The following RPS6KA2 variants were observed in gnomAD, a reference collection of about 807,000 sequenced individuals.
RPS6KA2 encodes the protein ribosomal protein S6 kinase A2, also known as ribosomal protein S6 kinase alpha-2.
Under a neutral mutation model 91.8 loss-of-function variants are expected in RPS6KA2, and 42 were observed. The observed-to-expected ratio is 0.46, with a 90% CI of 0.36 to 0.59. RPS6KA2 has a LOEUF of 0.59. Among genes scored for constraint, RPS6KA2 ranks in the 20% least tolerant of loss-of-function variants. RPS6KA2 has a pLI of 0.00. For synonymous variants in RPS6KA2, 414 were observed against 393.6 expected (o/e 1.05, Z -0.61); for missense variants, 798 against 978.5 (o/e 0.82, Z 2.46).
At chr6:166,562,350 A>C (rs969498293) in intron 1 of RPS6KA2, among the ~76,000 whole-genome samples, 1 of 152,136 alleles carries the variant, frequency 6.6e-6, no homozygotes, top group African/African-American at 2.4e-5. Context: ...CCTATTATTT[A>C]TATTATTGTT....
chr6:166,462,088 G>T (rs938672606), intron 11 of RPS6KA2, among the ~76,000 whole-genome samples: 6 of 152,346 alleles, frequency 3.9e-5, no homozygotes, highest in Non-Finnish European at 8.8e-5. Context: ...TGCCACCCAG[G>T]GTGAAGGTGG....
At chr6:166,698,972 C>A (rs1286362562) in intron 2 of RPS6KA2, among the ~76,000 whole-genome samples, 1 of 152,040 alleles carries the variant, frequency 6.6e-6, no homozygotes, top group African/African-American at 2.4e-5. Context: ...ACGAAGAGGT[C>A]AGGTGGTCAG....
intron 2 of RPS6KA2, among the ~76,000 whole-genome samples, chr6:166,819,723 T>G (rs974239025): frequency 6.6e-6 from 1 of 152,220 alleles, no homozygotes; most frequent in African/African-American, 2.4e-5. Flanking sequence ...CAGTGCCCCA[T>G]GCATAGATAT....
intron 2 of RPS6KA2, among the ~76,000 whole-genome samples, chr6:166,638,632 G>T (rs1026998374): frequency 1.3e-5 from 2 of 152,198 alleles, no homozygotes; most frequent in Non-Finnish European, 2.9e-5. Context: ...ATTTCTACCC[G>T]CTGTTCAGAT....
At chr6:166,540,172 A>C (rs1391979100) in intron 1 of RPS6KA2, among the ~76,000 whole-genome samples, 1 of 152,228 alleles carries the variant, frequency 6.6e-6, no homozygotes, top group African/African-American at 2.4e-5. Context: ...TTTTACTCTA[A>C]GAGTGAAGAC....
chr6:166,543,419 A>G (rs892176446), intron 1 of RPS6KA2, among the ~76,000 whole-genome samples: 2 of 152,090 alleles, frequency 1.3e-5, no homozygotes, highest in African/African-American at 4.8e-5. Flanking sequence ...CTAGAATCTG[A>G]CTTTCATTAT....
intron 2 of RPS6KA2, among the ~76,000 whole-genome samples, chr6:166,660,716 T>C (rs1049905359): frequency 6.6e-6 from 1 of 152,236 alleles, no homozygotes; most frequent in African/African-American, 2.4e-5. Flanking sequence ...GTATGTGCTG[T>C]TCTTGAGCCC....
At chr6:166,596,920 T>C (rs1222376264) in intron 1 of RPS6KA2, among the ~76,000 whole-genome samples, 1 of 151,918 alleles carries the variant, frequency 6.6e-6, no homozygotes, top group African/African-American at 2.4e-5. Flanking sequence ...GGACAAGCTA[T>C]GTAGGGGTGA....
chr6:166,786,517 A>T (rs1778935198), intron 2 of RPS6KA2, among the ~76,000 whole-genome samples: 1 of 152,238 alleles, frequency 6.6e-6, no homozygotes, highest in South Asian at 2.1e-4. Flanking sequence ...GATTGCATCA[A>T]CAAAGATTTG....
At chr6:166,422,809 G>A (rs1483565013) in intron 17 of RPS6KA2, among the ~76,000 whole-genome samples, 1 of 152,078 alleles carries the variant, frequency 6.6e-6, no homozygotes, top group Non-Finnish European at 1.5e-5. Flanking sequence ...CTGCTGTCGG[G>A]GAACCAATCT....
intron 2 of RPS6KA2, among the ~76,000 whole-genome samples, chr6:166,789,236 T>C (rs1318388626): frequency 1.3e-5 from 2 of 152,208 alleles, no homozygotes; most frequent in African/African-American, 4.8e-5. Context: ...CGGAGGGTCC[T>C]ACGCCCACGG....
At chr6:166,556,922 G>A (rs73257221) in intron 1 of RPS6KA2, among the ~76,000 whole-genome samples, 4 of 152,152 alleles carry the variant, frequency 2.6e-5, no homozygotes, top group Non-Finnish European at 2.9e-5. Flanking sequence ...TTAGAAGCCC[G>A]CTAGAGGCTG....
chr6:166,764,127 C>T (rs563774439), intron 2 of RPS6KA2, among the ~76,000 whole-genome samples: 125 of 152,250 alleles, frequency 8.2e-4, no homozygotes, highest in African/African-American at 2.9e-3. Flanking sequence ...GAGGACCACG[C>T]GGTGCTGGGA....
intron 1 of RPS6KA2, among the ~76,000 whole-genome samples, chr6:166,562,633 A>G (rs1487061664): frequency 6.6e-6 from 1 of 152,224 alleles, no homozygotes; most frequent in African/African-American, 2.4e-5. Flanking sequence ...GAGTATGTCA[A>G]AGTATGACCC....
At chr6:166,430,124 ATTT>A (rs111475748) in intron 16 of RPS6KA2, among the ~76,000 whole-genome samples, 1 of 148,220 alleles carries the variant, frequency 6.7e-6, no homozygotes, top group African/African-American at 2.5e-5. Context: ...TGCCCAGCTA[ATTT>A]TTTTTTTGTT....
intron 2 of RPS6KA2, among the ~76,000 whole-genome samples, chr6:166,800,978 TA>T (rs1336776057): frequency 7.9e-5 from 12 of 152,216 alleles, no homozygotes; most frequent in Non-Finnish European, 7.3e-5. Context: ...AAGAATTGTA[TA>T]AATGCCAAAG....
Position 166,737,062 on chromosome 6 carries a change from C to A in RPS6KA2, c.123+121138G>T, listed in dbSNP as rs16899352. ...AGAGCGGCAAAGCGCATGGAGCCTACGCTTTTTTACAGACGCAAAAAGATA... is the reference window on the plus strand; with the variant it reads ...AGAGCGGCAAAGCGCATGGAGCCTAAGCTTTTTTACAGACGCAAAAAGATA... On this transcript the variant is annotated intron_variant, in intron 2 of 21. Coordinates refer to the RPS6KA2 transcript ENST00000503859. This position sits in a 1 kb window ranked among gnomAD's most constrained non-coding sequence, Gnocchi z 4.3. 0.021 allele frequency among the ~76,000 whole-genome samples: 3,267 copies of A among 152,220 alleles called. 83 individuals carry two copies. The highest frequency in any genetic ancestry group is 0.1 in the East Asian group (519 of 5,160).
At chr6:166,731,215 C>G (rs1790504513) in intron 2 of RPS6KA2, among the ~76,000 whole-genome samples, 1 of 151,730 alleles carries the variant, frequency 6.6e-6, no homozygotes, top group South Asian at 2.1e-4. Flanking sequence ...GCACTCCAGT[C>G]TGGGCAACAA....
intron 3 of RPS6KA2, among the ~76,000 whole-genome samples, chr6:166,512,691 G>A (rs1013394150): frequency 2.0e-5 from 3 of 152,176 alleles, no homozygotes; most frequent in African/African-American, 7.2e-5. Context: ...CACTGTCAGT[G>A]TCACTGTGCC....
Sources: allele counts gnomAD v4.1 joint callset (sites outside exome capture counted in the v4.1 genomes callset), GRCh38; gene constraint gnomAD v4.1.1; non-coding constraint Gnocchi (gnomAD v3.1); transcripts MANE v1.5; gene names NCBI Gene and HGNC (gene_info 2026-07-23, HGNC 2026-07-21).